The following TMEM135 variants were observed in gnomAD, a reference collection of about 807,000 sequenced individuals.
TMEM135 encodes peroxisomal membrane protein 52.
Under a neutral mutation model 60.3 loss-of-function variants are expected in TMEM135, and 30 were observed. That is an observed-to-expected ratio of 0.50 (90% CI 0.37 to 0.68). The LOEUF (loss-of-function observed/expected upper bound fraction) is 0.68, where lower values mean the gene tolerates loss of function less well. Among genes scored for constraint, TMEM135 ranks in the 30% least tolerant of loss-of-function variants. The pLI is 0.00. For synonymous variants in TMEM135, 190 were observed against 186.7 expected, an observed-to-expected ratio of 1.02 and a Z score of -0.14; for missense variants, 468 against 548.8, an observed-to-expected ratio of 0.85 and a Z score of 1.47.
chr11:87,194,052 G>A (rs1274314547), intron 5 of TMEM135, among the ~76,000 whole-genome samples: 1 of 152,012 alleles, frequency 6.6e-6, no homozygotes, highest in African/African-American at 2.4e-5. Context: ...TTCATAAAAT[G>A]TTTTGAATCA....
rs1232519753 is a variant in TMEM135, at chr11:87,306,015, T to C, written c.768+10T>C. ...CTCTTATTGCATTAAAGTAAGTATA[T>C]GAAAGTATGTACTTTATTAACAGTA... On this transcript the variant is annotated intron_variant, in intron 9 of 14. Transcript: ENST00000305494. 8.4e-6 allele frequency: 13 copies of C among 1,547,240 alleles called. No individual in the cohort carries two copies. Among genetic ancestry groups the C allele is most frequent in the African/African-American group, 1.4e-5 (1 of 73,832 alleles).
intron 5 of TMEM135, among the ~76,000 whole-genome samples, chr11:87,230,581 T>C (rs1000519419): frequency 6.6e-6 from 1 of 152,148 alleles, no homozygotes; most frequent in Non-Finnish European, 1.5e-5. Flanking sequence ...GATCATTGAT[T>C]TTTTGTGTCA....
In TMEM135 at chr11:87,325,036, T is replaced by C. The variant is rs1233761810; in HGVS notation, c.*3703T>C. On this transcript the variant is annotated 3_prime_UTR_variant, in exon 15 of 15. Transcript: ENST00000305494. ...ATGTTTACAATTGCCTCCAGCCCTT[T>C]ACTATTGGTGCTGAAGCCACCATTG... 2.2e-6 allele frequency: 1 copy of C among 454,016 alleles called. No homozygotes were observed. Among genetic ancestry groups the C allele is most frequent in the Admixed American group, 2.3e-5 (1 of 42,558 alleles). The allele number at this position is 454,016 out of a possible 1,614,324, so 28.1% of individuals were successfully genotyped here.
chr11:87,222,181 C>CAAAAAAAAAAAAAA, intron 5 of TMEM135, among the ~76,000 whole-genome samples: 1 of 55,484 alleles, frequency 1.8e-5, no homozygotes, highest in Non-Finnish European at 3.4e-5. Flanking sequence ...GACTCTGTCT[C>CAAAAAAAAAAAAAA]AAAAAAAAAA....
At chr11:87,148,374 A>G (rs927745285) in intron 4 of TMEM135, among the ~76,000 whole-genome samples, 7 of 152,230 alleles carry the variant, frequency 4.6e-5, no homozygotes, top group East Asian at 1.9e-4. Context: ...GCAGAATGCT[A>G]TTAGAATGAG....
intron 5 of TMEM135, among the ~76,000 whole-genome samples, chr11:87,212,930 C>A (rs922127468): frequency 7.1e-4 from 107 of 150,786 alleles, no homozygotes; most frequent in African/African-American, 2.6e-3. Context: ...TATTTATTTA[C>A]AAATTAGTAA....
intron 5 of TMEM135, among the ~76,000 whole-genome samples, chr11:87,167,244 T>C (rs1939079222): frequency 6.6e-6 from 1 of 152,222 alleles, no homozygotes; most frequent in Admixed American, 6.5e-5. Context: ...AATTATGTCA[T>C]CTGCAAACAG....
At chr11:87,130,082 A>G (rs1209737773) in intron 4 of TMEM135, among the ~76,000 whole-genome samples, 2 of 151,886 alleles carry the variant, frequency 1.3e-5, no homozygotes, top group Non-Finnish European at 2.9e-5. Flanking sequence ...AAGTAGCAGG[A>G]TACGTAATTA....
chr11:87,174,453 T>C (rs1939318779), intron 5 of TMEM135, among the ~76,000 whole-genome samples: 2 of 152,258 alleles, frequency 1.3e-5, no homozygotes, highest in African/African-American at 4.8e-5. Context: ...AGTGTATACT[T>C]AGTAAGCTCT....
chr11:87,168,272 T>G (rs1939124032), intron 5 of TMEM135, among the ~76,000 whole-genome samples: 1 of 152,164 alleles, frequency 6.6e-6, no homozygotes, highest in Admixed American at 6.6e-5. Context: ...GATTCATTGA[T>G]TTTTCGAAGG....
At chr11:87,141,080 T>A (rs1225350076) in intron 4 of TMEM135, among the ~76,000 whole-genome samples, 1 of 151,884 alleles carries the variant, frequency 6.6e-6, no homozygotes, top group Non-Finnish European at 1.5e-5. Flanking sequence ...CTATCTTGTA[T>A]CCTTTGCATT....
chr11:87,283,429 A>G (rs1353079865), intron 6 of TMEM135, among the ~76,000 whole-genome samples: 1 of 152,232 alleles, frequency 6.6e-6, no homozygotes, highest in Non-Finnish European at 1.5e-5. Flanking sequence ...TATTTTATTT[A>G]ACTTTGGTAT....
At chr11:87,157,197 G>A (rs935328182) in intron 4 of TMEM135, 144 bp from the exon 5 acceptor site, 2 of 701,912 alleles carry the variant, frequency 2.8e-6, no homozygotes, top group Non-Finnish European at 4.9e-6. Flanking sequence ...AGGACTATAG[G>A]CATATACAAC....
chr11:87,097,319 A>G (rs537214175), intron 4 of TMEM135, among the ~76,000 whole-genome samples: 8 of 152,256 alleles, frequency 5.3e-5, no homozygotes, highest in Middle Eastern at 3.4e-3. Flanking sequence ...ATGAGCCACT[A>G]GGAATCAATG....
At chr11:87,200,747 A>G (rs1337859358) in intron 5 of TMEM135, among the ~76,000 whole-genome samples, 2 of 94,940 alleles carry the variant, frequency 2.1e-5, no homozygotes, top group South Asian at 7.0e-4. Context: ...CACTGCTGCA[A>G]AAATCCCATG....
At chr11:87,237,969 C>G (rs1013752749) in intron 6 of TMEM135, among the ~76,000 whole-genome samples, 38 of 152,016 alleles carry the variant, frequency 2.5e-4, no homozygotes, top group African/African-American at 8.2e-4. Flanking sequence ...ATCTCCAGTT[C>G]CATCTGTGTT....
intron 9 of TMEM135, 43 bp from the exon 10 acceptor site, chr11:87,309,462 A>C: frequency 6.2e-7 from 1 of 1,610,362 alleles, no homozygotes; most frequent in Non-Finnish European, 8.5e-7. Flanking sequence ...CAAAAACTTC[A>C]AAATTTGTTT....
chr11:87,220,253 A>T (rs566473467), intron 5 of TMEM135, among the ~76,000 whole-genome samples: 2 of 152,310 alleles, frequency 1.3e-5, no homozygotes, highest in South Asian at 4.1e-4. Context: ...ATATTAATCA[A>T]ACTATTTGTT....
intron 3 of TMEM135, among the ~76,000 whole-genome samples, chr11:87,078,509 C>T (rs897513285): frequency 6.6e-6 from 1 of 152,120 alleles, no homozygotes; most frequent in African/African-American, 2.4e-5. Flanking sequence ...AATATTTTCT[C>T]CCATTCAGAG....
Sources: allele counts gnomAD v4.1 joint callset (sites outside exome capture counted in the v4.1 genomes callset), GRCh38; gene constraint gnomAD v4.1.1; transcripts MANE v1.5; gene names NCBI Gene and HGNC (gene_info 2026-07-23, HGNC 2026-07-21).